CCDC178: variants seen among roughly 807,000 people sequenced by gnomAD.
The protein encoded by CCDC178 is coiled-coil domain-containing protein 178.
CCDC178 carries 126 observed loss-of-function variants against 117.4 expected under a neutral mutation model. That is an observed-to-expected ratio of 1.07 (90% CI 0.93 to 1.24). The LOEUF (loss-of-function observed/expected upper bound fraction) is 1.24. Among genes scored for constraint, CCDC178 ranks in the 50% most tolerant of loss-of-function variants. The pLI, the probability that CCDC178 is intolerant of heterozygous loss-of-function variation, is 0.00. For missense variants in CCDC178, 1,030 were observed against 986.9 expected, an observed-to-expected ratio of 1.04 and a Z score of -0.59; for synonymous variants, 283 against 313.4, an observed-to-expected ratio of 0.90 and a Z score of 1.02.
chr18:33,150,843 A>G (rs530562119), intron 20 of CCDC178, among the ~76,000 whole-genome samples: 54 of 152,362 alleles, frequency 3.5e-4, no homozygotes, highest in Non-Finnish European at 7.3e-4. Flanking sequence ...TTATAGCAGC[A>G]CATTTCACAA....
chr18:33,130,472 T>C (rs1433918576), intron 20 of CCDC178, among the ~76,000 whole-genome samples: 4 of 152,004 alleles, frequency 2.6e-5, no homozygotes, highest in Admixed American at 1.3e-4. Context: ...GTAACTATTT[T>C]ACACATAAGG....
intron 20 of CCDC178, among the ~76,000 whole-genome samples, chr18:33,126,108 T>C (rs1338101589): frequency 1.3e-5 from 2 of 152,116 alleles, no homozygotes; most frequent in African/African-American, 2.4e-5. Context: ...GAGACAAGTG[T>C]GAATGCAGTG....
At chr18:33,221,350 T>C (rs900746431) in intron 18 of CCDC178, among the ~76,000 whole-genome samples, 7 of 151,034 alleles carry the variant, frequency 4.6e-5, no homozygotes, top group Non-Finnish European at 7.4e-5. Context: ...GTCTTGCCTT[T>C]GCCCAACTGC....
chr18:33,395,290 G>T (rs1023873783), intron 4 of CCDC178, among the ~76,000 whole-genome samples: 6 of 151,670 alleles, frequency 4.0e-5, no homozygotes, highest in Admixed American at 3.3e-4. Flanking sequence ...TAATTTTCAT[G>T]CCAGAGAGTA....
At chr18:33,421,745 G>A (rs532993233) in intron 2 of CCDC178, among the ~76,000 whole-genome samples, 1 of 152,196 alleles carries the variant, frequency 6.6e-6, no homozygotes, top group African/African-American at 2.4e-5. Flanking sequence ...AACGGGTTAC[G>A]CTCAGTCAGA....
intron 22 of CCDC178, among the ~76,000 whole-genome samples, chr18:32,953,687 T>C (rs1244117654): frequency 2.0e-5 from 3 of 152,188 alleles, no homozygotes; most frequent in Non-Finnish European, 2.9e-5. Flanking sequence ...AGGAACCCCA[T>C]TTAGCTCATA....
intron 21 of CCDC178, among the ~76,000 whole-genome samples, chr18:33,030,310 T>C (rs547559743): frequency 6.6e-6 from 1 of 152,234 alleles, no homozygotes; most frequent in South Asian, 2.1e-4. Context: ...GTATAATACA[T>C]CATTTTTCCA....
chr18:32,941,936 CT>C (rs1158679061), intron 22 of CCDC178, among the ~76,000 whole-genome samples: 1 of 152,138 alleles, frequency 6.6e-6, no homozygotes, highest in Non-Finnish European at 1.5e-5. Context: ...CAAAAAACTA[CT>C]ACAATGACCT....
chr18:33,400,761 C>T (rs2063699058), intron 3 of CCDC178, among the ~76,000 whole-genome samples: 2 of 152,196 alleles, frequency 1.3e-5, no homozygotes, highest in South Asian at 4.1e-4. Context: ...CCTGTGTTCA[C>T]TGGAGTAGCA....
At chr18:33,368,334 C>T (rs933014942) in intron 6 of CCDC178, among the ~76,000 whole-genome samples, 1 of 151,876 alleles carries the variant, frequency 6.6e-6, no homozygotes, top group African/African-American at 2.4e-5. Flanking sequence ...TTTAGATCTT[C>T]ATTTACTTTT....
In CCDC178 at chr18:32,937,690, C is replaced by T; in HGVS notation, c.*321G>A. On this transcript the variant is annotated 3_prime_UTR_variant, in exon 23 of 23. Coordinates refer to ENST00000383096, the MANE Select transcript of CCDC178 (RefSeq NM_001105528.4). Reference sequence around the variant, plus strand: ...AGGGAAATCTGGGGAAGCGAACAGTCACTGTCAACACCGCCAGTAATTATT... The same window carrying T: ...AGGGAAATCTGGGGAAGCGAACAGTTACTGTCAACACCGCCAGTAATTATT... The T allele has an allele frequency of 3.5e-6, 1 of 283,364 alleles. No homozygotes were observed. The highest frequency in any genetic ancestry group is 6.7e-6 in the Non-Finnish European group (1 of 149,530). The allele number at this position is 283,364 out of a possible 1,614,324, so 17.6% of individuals were successfully genotyped here.
chr18:33,387,823 G>A (rs966729321), intron 5 of CCDC178, among the ~76,000 whole-genome samples: 1 of 152,034 alleles, frequency 6.6e-6, no homozygotes, highest in African/African-American at 2.4e-5. Context: ...TGATGAAATT[G>A]CCAAAAGCAT....
intron 3 of CCDC178, among the ~76,000 whole-genome samples, chr18:33,405,828 G>C (rs1176874689): frequency 6.6e-6 from 1 of 152,058 alleles, no homozygotes; most frequent in Non-Finnish European, 1.5e-5. Flanking sequence ...GAAGGCTTAT[G>C]TACTTATGCT....
chr18:33,040,866 T>C (rs576812904), intron 21 of CCDC178, among the ~76,000 whole-genome samples: 1 of 152,020 alleles, frequency 6.6e-6, no homozygotes, highest in South Asian at 2.1e-4. Flanking sequence ...AAATGATAGT[T>C]TGAAAATTTT....
chr18:33,256,216 C>A (rs897642138), intron 14 of CCDC178, among the ~76,000 whole-genome samples: 1 of 151,758 alleles, frequency 6.6e-6, no homozygotes, highest in Non-Finnish European at 1.5e-5. Context: ...GCTAAAAGTA[C>A]AAATAGGATG....
At chr18:33,412,567 A>G (rs570828050) in intron 2 of CCDC178, among the ~76,000 whole-genome samples, 1 of 152,262 alleles carries the variant, frequency 6.6e-6, no homozygotes, top group East Asian at 1.9e-4. Flanking sequence ...CCATCAACCA[A>G]TTTCAACAAT....
intron 12 of CCDC178, among the ~76,000 whole-genome samples, chr18:33,289,388 G>T (rs2060139461): frequency 6.6e-6 from 1 of 152,166 alleles, no homozygotes; most frequent in Non-Finnish European, 1.5e-5. Context: ...GCTGAGGTGG[G>T]TGGATCACCT....
intron 9 of CCDC178, among the ~76,000 whole-genome samples, chr18:33,335,332 A>G (rs1182089071): frequency 6.6e-6 from 1 of 152,032 alleles, no homozygotes; most frequent in Non-Finnish European, 1.5e-5. Context: ...AAATACTTCT[A>G]AATGTTTTTT....
chr18:33,332,041 A>G (rs940762647), intron 10 of CCDC178, among the ~76,000 whole-genome samples: 2 of 152,246 alleles, frequency 1.3e-5, no homozygotes, highest in African/African-American at 4.8e-5. Context: ...CTGATGGAAC[A>G]TTGTAAGTAA....
Sources: allele counts gnomAD v4.1 joint callset (sites outside exome capture counted in the v4.1 genomes callset), GRCh38; gene constraint gnomAD v4.1.1; transcripts MANE v1.5; gene names NCBI Gene and HGNC (gene_info 2026-07-23, HGNC 2026-07-21).